Variants in ADGRL2 observed in about 807,000 individuals in gnomAD.
The protein encoded by ADGRL2 is adhesion G protein-coupled receptor L2, also known as calcium-independent alpha-latrotoxin receptor 2.
Under a neutral mutation model 157.4 loss-of-function variants are expected in ADGRL2, and 44 were observed. The ratio of observed to expected loss-of-function variants is 0.28; its 90% confidence interval spans 0.22 to 0.36. The LOEUF (loss-of-function observed/expected upper bound fraction) is 0.36, where lower values mean the gene tolerates loss of function less well. Among genes scored for constraint, ADGRL2 ranks in the 10% least tolerant of loss-of-function variants. The pLI is 1.00. For synonymous variants in ADGRL2, 585 were observed against 624.7 expected, an observed-to-expected ratio of 0.94 and a Z score of 0.95; for missense variants, 1,510 against 1,768.9, an observed-to-expected ratio of 0.85 and a Z score of 2.63.
At chr1:81,872,669 C>A (rs1420674393) in intron 2 of ADGRL2, among the ~76,000 whole-genome samples, 1 of 151,736 alleles carries the variant, frequency 6.6e-6, no homozygotes, top group Non-Finnish European at 1.5e-5. Context: ...AGGCATATGC[C>A]CTTGGAAATT....
intron 2 of ADGRL2, among the ~76,000 whole-genome samples, chr1:81,524,265 C>T (rs1352463026): frequency 6.6e-6 from 1 of 152,086 alleles, no homozygotes; most frequent in East Asian, 1.9e-4. Context: ...ACTCGGGAGG[C>T]TGAGGCAGGA....
At chr1:81,577,698 C>T (rs1319479877) in intron 2 of ADGRL2, among the ~76,000 whole-genome samples, 1 of 152,178 alleles carries the variant, frequency 6.6e-6, no homozygotes, top group African/African-American at 2.4e-5. Context: ...TTTCCCATTT[C>T]AAATATTTCC....
chr1:81,636,039 AG>A (rs1299199887), intron 3 of ADGRL2, among the ~76,000 whole-genome samples: 1 of 152,218 alleles, frequency 6.6e-6, no homozygotes, highest in East Asian at 1.9e-4. Flanking sequence ...ACTGTCTCTC[AG>A]CTTCCTTGCT....
At chr1:81,310,110 C>T (rs1178821586) in intron 1 of ADGRL2, among the ~76,000 whole-genome samples, 2 of 152,084 alleles carry the variant, frequency 1.3e-5, no homozygotes, top group Non-Finnish European at 2.9e-5. Context: ...AATACACCAG[C>T]ACATTAGAAA....
chr1:81,817,262 G>T (rs17107221), intron 1 of ADGRL2, among the ~76,000 whole-genome samples: 24,999 of 150,488 alleles, frequency 0.17, 2,250 homozygotes, highest in East Asian at 0.26. Context: ...TTTAAAGGTA[G>T]GCCTTCCGTC....
chr1:81,359,845 C>T (rs2075947467), intron 1 of ADGRL2, among the ~76,000 whole-genome samples: 1 of 151,938 alleles, frequency 6.6e-6, no homozygotes, highest in South Asian at 2.1e-4. Context: ...AACCTATGAG[C>T]TATCCTAGAT....
intron 2 of ADGRL2, among the ~76,000 whole-genome samples, chr1:81,770,041 C>T (rs1281042283): frequency 2.1e-5 from 3 of 144,908 alleles, no homozygotes; most frequent in East Asian, 4.4e-4. Context: ...TTAGTAGAGG[C>T]GGGGTTTCAC....
intron 1 of ADGRL2, among the ~76,000 whole-genome samples, chr1:81,363,563 T>A (rs763651501): frequency 2.0e-5 from 3 of 152,124 alleles, no homozygotes; most frequent in Non-Finnish European, 2.9e-5. Context: ...AAAAAATTGA[T>A]TAATTTGTCA....
chr1:81,775,012 G>A (rs1162351902), intron 2 of ADGRL2, among the ~76,000 whole-genome samples: 1 of 151,984 alleles, frequency 6.6e-6, no homozygotes, highest in Non-Finnish European at 1.5e-5. Context: ...GGAAAAAGCT[G>A]GCAGAAACAT....
At chr1:81,958,323 C>A (rs1045159511) in intron 11 of ADGRL2, among the ~76,000 whole-genome samples, 7 of 146,172 alleles carry the variant, frequency 4.8e-5, no homozygotes, top group African/African-American at 1.5e-4. Flanking sequence ...AAGGTATAAA[C>A]AATTTTGGGG....
chr1:81,340,920 A>C (rs954298608), intron 1 of ADGRL2, among the ~76,000 whole-genome samples: 4 of 151,220 alleles, frequency 2.6e-5, no homozygotes, highest in Non-Finnish European at 4.4e-5. Flanking sequence ...ATGGAACCTT[A>C]AAGATCTTAA....
At chr1:81,794,785 C>T (rs1008523144) in intron 2 of ADGRL2, among the ~76,000 whole-genome samples, 1 of 152,080 alleles carries the variant, frequency 6.6e-6, no homozygotes, top group African/African-American at 2.4e-5. Context: ...TAAGTTGAAA[C>T]CTGAATGATA....
chr1:81,516,319 G>A (rs2079177347), intron 2 of ADGRL2, among the ~76,000 whole-genome samples: 1 of 152,224 alleles, frequency 6.6e-6, no homozygotes, highest in African/African-American at 2.4e-5. Context: ...GAGAGGTCCA[G>A]AAGGTTGGGA....
intron 2 of ADGRL2, among the ~76,000 whole-genome samples, chr1:81,541,819 G>T (rs369903677): frequency 6.6e-6 from 1 of 151,288 alleles, no homozygotes; most frequent in Non-Finnish European, 1.5e-5. Flanking sequence ...TTAGCCAGGC[G>T]TGGTGGCGCA....
chr1:81,339,393 C>A (rs1661893338), intron 1 of ADGRL2, among the ~76,000 whole-genome samples: 1 of 152,190 alleles, frequency 6.6e-6, no homozygotes, highest in Non-Finnish European at 1.5e-5. Context: ...CACACACACA[C>A]AAAATTACAA....
chr1:81,751,503 A>G (rs970057698), intron 1 of ADGRL2, among the ~76,000 whole-genome samples: 1 of 152,208 alleles, frequency 6.6e-6, no homozygotes, highest in Non-Finnish European at 1.5e-5. Flanking sequence ...ACTAACTCAC[A>G]ATCTTCAAAA....
intron 1 of ADGRL2, among the ~76,000 whole-genome samples, chr1:81,444,814 T>C (rs767474435): frequency 1.3e-5 from 2 of 152,230 alleles, no homozygotes; most frequent in Non-Finnish European, 2.9e-5. Context: ...TTTGCTTTTT[T>C]GTCTGAGCTG....
chr1:81,530,493 A>G (rs2079570744), intron 2 of ADGRL2, among the ~76,000 whole-genome samples: 1 of 151,982 alleles, frequency 6.6e-6, no homozygotes, highest in Non-Finnish European at 1.5e-5. Context: ...GACCACAGGT[A>G]TGCACCACCA....
At chr1:81,920,948 T>G (rs1275274353) in intron 3 of ADGRL2, among the ~76,000 whole-genome samples, 4 of 152,186 alleles carry the variant, frequency 2.6e-5, no homozygotes, top group Non-Finnish European at 5.9e-5. Context: ...TGTCATCCTT[T>G]TTCTTTAATA....
Sources: gnomAD v4.1 joint callset for allele counts (sites outside exome capture counted in the v4.1 genomes callset) on GRCh38, gnomAD v4.1.1 for gene constraint, MANE v1.5 for transcripts, NCBI Gene and HGNC (gene_info 2026-07-23, HGNC 2026-07-21) for gene names.